Variants in TMEM132D observed in about 807,000 individuals in gnomAD.
The protein encoded by TMEM132D is mature OL transmembrane protein.
TMEM132D carries 21 observed loss-of-function variants against 62.3 expected under a neutral mutation model. That is an observed-to-expected ratio of 0.34 (90% CI 0.24 to 0.49). TMEM132D has a LOEUF of 0.49. Ranked by LOEUF, TMEM132D falls within the 20% of genes least tolerant of loss-of-function variation. The probability of loss-of-function intolerance (pLI) is 0.99; values close to 1 mark genes in which losing one functional copy is unlikely to be tolerated. For missense variants in TMEM132D, 1,346 were observed against 1,402.8 expected (o/e 0.96, Z 0.65); for synonymous variants, 621 against 575.6 (o/e 1.08, Z -1.13).
chr12:129,768,435 T>C (rs1442905248), intron 1 of TMEM132D, among the ~76,000 whole-genome samples: 2 of 151,798 alleles, frequency 1.3e-5, no homozygotes, highest in East Asian at 3.9e-4. Context: ...GTGAGGAGAA[T>C]GTGGTTTTTA....
intron 2 of TMEM132D, among the ~76,000 whole-genome samples, chr12:129,671,367 T>G (rs1327872341): frequency 6.6e-6 from 1 of 152,118 alleles, no homozygotes; most frequent in Non-Finnish European, 1.5e-5. Flanking sequence ...TGAGTTTCCA[T>G]GAAAAATATA....
intron 3 of TMEM132D, among the ~76,000 whole-genome samples, chr12:129,345,738 T>A (rs1353019279): frequency 6.6e-6 from 1 of 152,174 alleles, no homozygotes; most frequent in Non-Finnish European, 1.5e-5. Context: ...ATGGATTACA[T>A]TTATTGATTT....
At chr12:129,859,397 G>T (rs1873819280) in intron 1 of TMEM132D, among the ~76,000 whole-genome samples, 1 of 152,178 alleles carries the variant, frequency 6.6e-6, no homozygotes, top group Admixed American at 6.5e-5. Flanking sequence ...TTAAGACAGT[G>T]TTCTCTTTTC....
At chr12:129,822,296 G>A (rs1273895370) in intron 1 of TMEM132D, among the ~76,000 whole-genome samples, 1 of 152,100 alleles carries the variant, frequency 6.6e-6, no homozygotes, top group East Asian at 1.9e-4. Context: ...CTGTCTCACT[G>A]GAGGACTCAC....
chr12:129,289,241 A>G (rs1278288828), intron 4 of TMEM132D, among the ~76,000 whole-genome samples: 1 of 152,294 alleles, frequency 6.6e-6, no homozygotes, highest in East Asian at 1.9e-4. Flanking sequence ...TTAAAAAGGT[A>G]GAACTAATTT....
intron 2 of TMEM132D, among the ~76,000 whole-genome samples, chr12:129,608,335 A>G (rs2137148936): frequency 6.6e-6 from 1 of 152,296 alleles, no homozygotes; most frequent in South Asian, 2.1e-4. Flanking sequence ...TTAGAAGCCC[A>G]ACCTAATTTC....
chr12:129,121,739 T>C (rs915960512), intron 5 of TMEM132D, among the ~76,000 whole-genome samples: 1 of 151,684 alleles, frequency 6.6e-6, no homozygotes, highest in African/African-American at 2.4e-5. Flanking sequence ...ACACAGAAAA[T>C]ATGTGGAGGG....
intron 4 of TMEM132D, among the ~76,000 whole-genome samples, chr12:129,318,219 TG>T (rs1057104770): frequency 6.6e-6 from 1 of 152,166 alleles, no homozygotes; most frequent in African/African-American, 2.4e-5. Context: ...TGAAGAGCCT[TG>T]TTTTGTCATA....
At chr12:129,781,530 C>T (rs1467574546) in intron 1 of TMEM132D, among the ~76,000 whole-genome samples, 1 of 152,114 alleles carries the variant, frequency 6.6e-6, no homozygotes, top group East Asian at 1.9e-4. Flanking sequence ...GTTTACTGTT[C>T]TTTTTTCCCC....
chr12:129,473,214 C>T (rs998693826), intron 3 of TMEM132D, among the ~76,000 whole-genome samples: 4 of 152,056 alleles, frequency 2.6e-5, no homozygotes, highest in Admixed American at 6.6e-5. Context: ...TACCACCACC[C>T]GGATCAGTCA....
intron 2 of TMEM132D, among the ~76,000 whole-genome samples, chr12:129,669,389 C>T (rs571113567): frequency 2.0e-5 from 3 of 152,248 alleles, no homozygotes; most frequent in South Asian, 4.1e-4. Flanking sequence ...CAAACTAATG[C>T]TTTCAAATCT....
At chr12:129,128,694 C>G (rs943636963) in intron 5 of TMEM132D, among the ~76,000 whole-genome samples, 1 of 152,150 alleles carries the variant, frequency 6.6e-6, no homozygotes, top group African/African-American at 2.4e-5. Flanking sequence ...GTACCCATGA[C>G]TCAAACGGTG....
At chr12:129,431,743 A>G (rs1168563555) in intron 3 of TMEM132D, among the ~76,000 whole-genome samples, 1 of 152,160 alleles carries the variant, frequency 6.6e-6, no homozygotes, top group Admixed American at 6.5e-5. Context: ...CACTCTGGGT[A>G]AAAACTTAAA....
At chr12:129,181,059 C>A (rs891746059) in intron 5 of TMEM132D, among the ~76,000 whole-genome samples, 7 of 152,016 alleles carry the variant, frequency 4.6e-5, no homozygotes, top group African/African-American at 1.7e-4. Flanking sequence ...AAGGTGGTGG[C>A]TGGACTCAGG....
At chr12:129,869,285 G>A (rs1380348285) in intron 1 of TMEM132D, among the ~76,000 whole-genome samples, 2 of 152,122 alleles carry the variant, frequency 1.3e-5, no homozygotes, top group Non-Finnish European at 2.9e-5. Flanking sequence ...CGAGCAACAA[G>A]TTGTGAAATT....
intron 4 of TMEM132D, among the ~76,000 whole-genome samples, chr12:129,299,309 CTG>C (rs1881650099): frequency 6.6e-6 from 1 of 152,128 alleles, no homozygotes; most frequent in Admixed American, 6.5e-5. Flanking sequence ...AAGAGCAAAA[CTG>C]GTGCTGATGA....
At chr12:129,268,994 G>A (rs1191941907) in intron 4 of TMEM132D, among the ~76,000 whole-genome samples, 1 of 125,998 alleles carries the variant, frequency 7.9e-6, no homozygotes, top group African/African-American at 3.0e-5. Flanking sequence ...ATAGGAAGGG[G>A]AACATCACAC....
chr12:129,163,734 G>A (rs1593281726), intron 5 of TMEM132D, among the ~76,000 whole-genome samples: 1 of 152,328 alleles, frequency 6.6e-6, no homozygotes, highest in Middle Eastern at 3.4e-3. Context: ...ATCCCTGGGT[G>A]CTTCCCCATC....
chr12:129,732,073 A>G (rs914646031), intron 1 of TMEM132D, among the ~76,000 whole-genome samples: 1 of 151,494 alleles, frequency 6.6e-6, no homozygotes, highest in Admixed American at 6.6e-5. Flanking sequence ...TAATTCGTAG[A>G]CTCCTGTAGA....
Sources: gnomAD v4.1 joint callset for allele counts (sites outside exome capture counted in the v4.1 genomes callset) on GRCh38, gnomAD v4.1.1 for gene constraint, MANE v1.5 for transcripts, NCBI Gene and HGNC (gene_info 2026-07-23, HGNC 2026-07-21) for gene names.